The following PCDH9 variants were observed in gnomAD, a reference collection of about 807,000 sequenced individuals.
PCDH9 encodes protocadherin 9.
PCDH9 carries 24 observed loss-of-function variants against 70.6 expected under a neutral mutation model. The ratio of observed to expected loss-of-function variants is 0.34; its 90% CI spans 0.25 to 0.48. The LOEUF (loss-of-function observed/expected upper bound fraction) is 0.48. PCDH9 is among the 20% of genes least tolerant of loss of function. The pLI, the probability that PCDH9 is intolerant of heterozygous loss-of-function variation, is 0.99. For missense variants in PCDH9, 1,281 were observed against 1,503.6 expected, an observed-to-expected ratio of 0.85 and a Z score of 2.45; for synonymous variants, 562 against 558.5, an observed-to-expected ratio of 1.01 and a Z score of -0.09.
chr13:66,376,636 A>C (rs1185425845), intron 4 of PCDH9, among the ~76,000 whole-genome samples: 1 of 152,180 alleles, frequency 6.6e-6, no homozygotes, highest in Non-Finnish European at 1.5e-5. Context: ...ATTTGTGGAT[A>C]AAATGTGTGA....
chr13:67,133,792 C>A (rs2087165092), intron 2 of PCDH9, among the ~76,000 whole-genome samples: 1 of 152,018 alleles, frequency 6.6e-6, no homozygotes, highest in African/African-American at 2.4e-5. Flanking sequence ...TAAGGTTTGA[C>A]TCTTCATGCA....
intron 2 of PCDH9, among the ~76,000 whole-genome samples, chr13:67,151,193 T>TTA (rs1566457373): frequency 2.0e-5 from 3 of 152,046 alleles, no homozygotes; most frequent in East Asian, 1.9e-4. Context: ...GCTCCTTTTT[T>TTA]AAAAAAAAAT....
At chr13:66,994,374 G>C (rs2084065876) in intron 2 of PCDH9, among the ~76,000 whole-genome samples, 1 of 152,164 alleles carries the variant, frequency 6.6e-6, no homozygotes, top group South Asian at 2.1e-4. Context: ...CCGCCATTCG[G>C]TCTCCCTCTA....
intron 2 of PCDH9, among the ~76,000 whole-genome samples, chr13:67,170,719 C>A (rs1352126101): frequency 6.6e-6 from 1 of 152,042 alleles, no homozygotes; most frequent in Admixed American, 6.5e-5. Context: ...GAAGCCAAGA[C>A]TTCAAGACCA....
intron 3 of PCDH9, among the ~76,000 whole-genome samples, chr13:66,732,360 A>G (rs2079089783): frequency 6.6e-6 from 1 of 151,850 alleles, no homozygotes; most frequent in Non-Finnish European, 1.5e-5. Context: ...ACTTATTAAA[A>G]CTCAACATAC....
chr13:67,229,426 A>G (rs533620136), intron 1 of PCDH9, among the ~76,000 whole-genome samples: 1 of 152,344 alleles, frequency 6.6e-6, no homozygotes, highest in South Asian at 2.1e-4. Context: ...CTTAATCCTG[A>G]TCTCTGGTTA....
At chr13:66,892,893 T>C (rs1408599481) in intron 3 of PCDH9, among the ~76,000 whole-genome samples, 2 of 152,180 alleles carry the variant, frequency 1.3e-5, no homozygotes, top group African/African-American at 4.8e-5. Context: ...CATATATTTA[T>C]GTCTTTTTAA....
chr13:66,750,185 G>A (rs2079435403), intron 3 of PCDH9, among the ~76,000 whole-genome samples: 1 of 151,986 alleles, frequency 6.6e-6, no homozygotes, highest in Non-Finnish European at 1.5e-5. Context: ...TAAAGAGGAA[G>A]GGCATTATTA....
intron 4 of PCDH9, among the ~76,000 whole-genome samples, chr13:66,392,478 C>G (rs1481374636): frequency 6.6e-6 from 1 of 152,110 alleles, no homozygotes; most frequent in Non-Finnish European, 1.5e-5. Flanking sequence ...AGTCATAATA[C>G]TACCATTCTC....
intron 2 of PCDH9, among the ~76,000 whole-genome samples, chr13:67,006,604 A>G (rs954675875): frequency 5.3e-5 from 8 of 152,184 alleles, no homozygotes; most frequent in Non-Finnish European, 8.8e-5. Context: ...AAGAAAGCAG[A>G]TTGGCGAAGG....
intron 2 of PCDH9, among the ~76,000 whole-genome samples, chr13:66,905,855 T>C (rs776505899): frequency 4.6e-5 from 7 of 152,186 alleles, no homozygotes; most frequent in Non-Finnish European, 1.0e-4. Flanking sequence ...CAGTGCCATT[T>C]GCTGAAGGAT....
chr13:67,122,043 C>G (rs1227089505), intron 2 of PCDH9, among the ~76,000 whole-genome samples: 2 of 152,006 alleles, frequency 1.3e-5, no homozygotes, highest in Admixed American at 6.5e-5. Flanking sequence ...TTTCTTTGTT[C>G]TTTTTTCCTT....
At position 66,941,512 on chromosome 13, in the gene PCDH9, G is replaced by A. The variant is rs78546150; in HGVS notation, c.3037-37907C>T. Reference sequence around the variant, plus strand: ...AACTAATATGCTGTCTATAGAAAACGTACATTAAATATAAAGACTCAGATA... The same window carrying A: ...AACTAATATGCTGTCTATAGAAAACATACATTAAATATAAAGACTCAGATA... On this transcript the variant is annotated intron_variant, in intron 2 of 4. Transcript: ENST00000377865. Among the ~76,000 whole-genome samples, 82 of 151,720 alleles carry A rather than the reference G, an allele frequency of 5.4e-4. 1 individual carries two copies. The East Asian group carries it at 0.013, about 25-fold the overall frequency.
At chr13:66,977,994 CCT>C (rs1422038878) in intron 2 of PCDH9, among the ~76,000 whole-genome samples, 2 of 152,110 alleles carry the variant, frequency 1.3e-5, no homozygotes, top group Non-Finnish European at 2.9e-5. Context: ...TTTTTTCATA[CCT>C]GTTGTATCCC....
chr13:66,468,180 A>AG (rs1438238196), intron 4 of PCDH9, among the ~76,000 whole-genome samples: 2 of 152,048 alleles, frequency 1.3e-5, no homozygotes, highest in African/African-American at 4.8e-5. Flanking sequence ...TCATCCCAGG[A>AG]AATACCACCA....
At chr13:66,445,308 T>G (rs1195806028) in intron 4 of PCDH9, among the ~76,000 whole-genome samples, 1 of 147,554 alleles carries the variant, frequency 6.8e-6, no homozygotes, top group East Asian at 2.0e-4. Context: ...CCTCTTCTGA[T>G]TCCTATTTTT....
intron 2 of PCDH9, among the ~76,000 whole-genome samples, chr13:66,934,808 C>A (rs1410926988): frequency 1.4e-5 from 2 of 139,502 alleles, no homozygotes; most frequent in Non-Finnish European, 3.1e-5. Flanking sequence ...GCAAGCTCCG[C>A]CTCCCGGGTT....
chr13:67,186,283 T>C (rs796231116), intron 2 of PCDH9, among the ~76,000 whole-genome samples: 3 of 152,188 alleles, frequency 2.0e-5, no homozygotes, highest in Admixed American at 2.0e-4. Context: ...TGAGTGATTC[T>C]AAAGTTGAAA....
chr13:66,889,190 A>T (rs2082056597), intron 3 of PCDH9, among the ~76,000 whole-genome samples: 1 of 152,174 alleles, frequency 6.6e-6, no homozygotes, highest in African/African-American at 2.4e-5. Context: ...TAACAGGCTG[A>T]GGTTTATTGA....
Sources: allele counts gnomAD v4.1 joint callset (sites outside exome capture counted in the v4.1 genomes callset), GRCh38; gene constraint gnomAD v4.1.1; transcripts MANE v1.5; gene names NCBI Gene and HGNC (gene_info 2026-07-23, HGNC 2026-07-21).